FGF1: variants seen among roughly 807,000 people sequenced by gnomAD.
The protein encoded by FGF1 is beta-endothelial cell growth factor.
FGF1 carries 9 observed loss-of-function variants against 13.4 expected under a neutral mutation model. The ratio of observed to expected loss-of-function variants is 0.67; its 90% CI spans 0.40 to 1.17. The LOEUF is 1.17. Among genes scored for constraint, FGF1 ranks in the 50% most tolerant of loss-of-function variants. The pLI, the probability that FGF1 is intolerant of heterozygous loss-of-function variation, is 0.01. For synonymous variants in FGF1, 93 were observed against 79.0 expected (o/e 1.18, Z -0.94); for missense variants, 156 against 192.7 (o/e 0.81, Z 1.13).
intron 1 of FGF1, among the ~76,000 whole-genome samples, chr5:142,634,798 C>G (rs1468393983): frequency 6.6e-6 from 1 of 152,124 alleles, no homozygotes; most frequent in Non-Finnish European, 1.5e-5. Context: ...TACTGTTTGA[C>G]TTTCTCTAAA....
chr5:142,655,622 G>T (rs965779824), intron 1 of FGF1, among the ~76,000 whole-genome samples: 2 of 152,146 alleles, frequency 1.3e-5, no homozygotes, highest in South Asian at 4.1e-4. Context: ...ATCTAAGAAG[G>T]GTGTTTTTAA....
chr5:142,687,706 A>G (rs912050908), upstream of FGF1, among the ~76,000 whole-genome samples: 2 of 152,218 alleles, frequency 1.3e-5, no homozygotes, highest in Non-Finnish European at 2.9e-5. Context: ...GAAATGATAG[A>G]CTTGAAAGTT....
chr5:142,674,249 T>A (rs762262252), intron 1 of FGF1, among the ~76,000 whole-genome samples: 19 of 152,230 alleles, frequency 1.2e-4, no homozygotes, highest in Admixed American at 2.6e-4. Flanking sequence ...GGCCTACTTT[T>A]TCGTGTGTTA....
At chr5:142,672,941 A>G (rs1218965384) in intron 1 of FGF1, among the ~76,000 whole-genome samples, 1 of 152,198 alleles carries the variant, frequency 6.6e-6, no homozygotes, top group African/African-American at 2.4e-5. Flanking sequence ...TCTAAGCTTC[A>G]GTTCCATCAT....
chr5:142,679,005 G>A (rs150306289), intron 1 of FGF1, among the ~76,000 whole-genome samples: 21 of 152,254 alleles, frequency 1.4e-4, no homozygotes, highest in East Asian at 3.9e-4. Context: ...AAAGCCTGAC[G>A]TCTCTCTCCA....
At chr5:142,688,061 G>A (rs540427525), upstream of FGF1, among the ~76,000 whole-genome samples, 8 of 152,248 alleles carry the variant, frequency 5.3e-5, no homozygotes, top group African/African-American at 1.9e-4. Flanking sequence ...TCTCCATTAT[G>A]TCCAGTTGTG....
At chr5:142,637,311 C>A (rs567813593) in intron 1 of FGF1, among the ~76,000 whole-genome samples, 2 of 130,164 alleles carry the variant, frequency 1.5e-5, no homozygotes, top group Non-Finnish European at 3.2e-5. Context: ...AAGTGAAGAA[C>A]CACGGCGTTT....
chr5:142,690,009 C>G (rs1751911902), upstream of FGF1, among the ~76,000 whole-genome samples: 1 of 147,688 alleles, frequency 6.8e-6, no homozygotes, highest in African/African-American at 2.5e-5. Flanking sequence ...CCCCTCAATC[C>G]TAGTTTTTTA....
Position 142,676,919 on chromosome 5 carries a change from A to AAACAAC in FGF1, c.-35+9032_-35+9037dup, listed in dbSNP as rs58320203. 9.4e-3 allele frequency among the ~76,000 whole-genome samples: 1,418 copies of AAACAAC among 151,624 alleles called. 19 individuals are homozygous for AAACAAC. The highest frequency in any genetic ancestry group is 0.032 in the African/African-American group (1,304 of 41,196). On this transcript the variant is annotated intron_variant, in intron 1 of 3. Transcript: ENST00000337706. Reference sequence around the variant, plus strand: ...TACTTCAAAACAAAAACAAAAAACAAAACAACAACAACAACAACAACAAAT... The same window carrying AAACAAC: ...TACTTCAAAACAAAAACAAAAAACAAAACAACAACAACAACAACAACAACAACAAAT...
chr5:142,626,275 G>A (rs1222167906), intron 1 of FGF1, among the ~76,000 whole-genome samples: 2 of 152,174 alleles, frequency 1.3e-5, no homozygotes, highest in Admixed American at 6.5e-5. Context: ...ACAGAAAAGG[G>A]AAGCTGTCCT....
chr5:142,639,671 G>A (rs61271242), intron 1 of FGF1, among the ~76,000 whole-genome samples: 1,549 of 152,056 alleles, frequency 0.01, 47 homozygotes, highest in African/African-American at 0.036. Context: ...ACTATAGTCA[G>A]TAATGTGTGG....
At chr5:142,686,913 A>G (rs1377380157), upstream of FGF1, among the ~76,000 whole-genome samples, 1 of 152,160 alleles carries the variant, frequency 6.6e-6, no homozygotes, top group Non-Finnish European at 1.5e-5. Context: ...TCCTCTTTAG[A>G]CTTCTGGCCA....
intron 2 of FGF1, among the ~76,000 whole-genome samples, chr5:142,603,057 CT>C (rs1756921790): frequency 6.6e-6 from 1 of 152,164 alleles, no homozygotes; most frequent in Admixed American, 6.5e-5. Flanking sequence ...CACTGATGCA[CT>C]TTCTCACGGG....
chr5:142,666,271 G>A (rs1249602614), intron 1 of FGF1, among the ~76,000 whole-genome samples: 1 of 129,610 alleles, frequency 7.7e-6, no homozygotes, highest in Non-Finnish European at 1.6e-5. Flanking sequence ...GGTCTAAGGA[G>A]CATGTAATAC....
At chr5:142,601,042 C>A in intron 2 of FGF1, 1 of 609,474 alleles carries the variant, frequency 1.6e-6, no homozygotes, top group Non-Finnish European at 3.1e-6. Flanking sequence ...ACGGCCGGCT[C>A]ACCTACCTGT....
intron 2 of FGF1, among the ~76,000 whole-genome samples, chr5:142,602,358 G>A (rs1756751385): frequency 6.6e-6 from 1 of 152,020 alleles, no homozygotes; most frequent in South Asian, 2.1e-4. Context: ...GGTATTTTTA[G>A]TAGAGATGGG....
At position 142,622,700 on chromosome 5, in the gene FGF1, G is replaced by A. The variant is rs929963766; in HGVS notation, c.-34-8539C>T. On this transcript the variant is annotated intron_variant, in intron 1 of 3. Transcript: ENST00000337706. ...TGCCACAGCGTGTTAGGCTGGCAGG[G>A]CCCCACCTTCCACTCCCTGGTGAAG... is the stretch of plus-strand genomic sequence containing the variant. Among the ~76,000 whole-genome samples, 7 of 152,326 alleles carry A rather than the reference G, an allele frequency of 4.6e-5. No homozygotes were observed. The East Asian group carries it at 7.7e-4, about 17-fold the overall frequency.
chr5:142,652,933 G>T (rs761925159), intron 1 of FGF1, among the ~76,000 whole-genome samples: 1 of 152,206 alleles, frequency 6.6e-6, no homozygotes, highest in Non-Finnish European at 1.5e-5. Flanking sequence ...AATAAGATTT[G>T]TTTTCTTTCA....
chr5:142,670,750 T>A (rs1771301039), intron 1 of FGF1, among the ~76,000 whole-genome samples: 1 of 152,222 alleles, frequency 6.6e-6, no homozygotes, highest in Admixed American at 6.5e-5. Context: ...CACAGTTATT[T>A]GGACTTCAGG....
Sources: gnomAD v4.1 joint callset for allele counts (sites outside exome capture counted in the v4.1 genomes callset) on GRCh38, gnomAD v4.1.1 for gene constraint, MANE v1.5 for transcripts, NCBI Gene and HGNC (gene_info 2026-07-23, HGNC 2026-07-21) for gene names.